The following PHKA1 variants were observed in gnomAD, a reference collection of about 807,000 sequenced individuals.
PHKA1 encodes the protein phosphorylase kinase regulatory subunit alpha 1, also known as phosphorylase b kinase regulatory subunit alpha, skeletal muscle isoform.
PHKA1 carries 60 observed loss-of-function variants against 110.2 expected under a neutral mutation model. The observed-to-expected ratio is 0.54, with a 90% CI of 0.44 to 0.68. The LOEUF (loss-of-function observed/expected upper bound fraction) is 0.68. Ranked by LOEUF, PHKA1 falls within the 30% of genes least tolerant of loss-of-function variation. The pLI is 0.00. For missense variants in PHKA1, 801 were observed against 942.5 expected (o/e 0.85, Z 1.97); for synonymous variants, 316 against 333.6 (o/e 0.95, Z 0.58).
chrX:72,585,989 G>A lies in PHKA1; in HGVS notation c.3244-1687C>T, dbSNP rs782320186. Among the ~76,000 whole-genome samples the A allele has an allele frequency of 5.0e-4, 56 of 112,417 alleles. No individual in the cohort carries two copies. In the South Asian group the frequency reaches 0.011, roughly 22 times the overall value. ...TGCCTCTGTACATTCCACCTCTAGC[G>A]GGAGGGCATAGCTGAACAAAAGGCA... On this transcript the variant is annotated intron_variant, in intron 29 of 31. Transcript: ENST00000373542.
intron 6 of PHKA1, among the ~76,000 whole-genome samples, chrX:72,669,354 TTTGTTGTTG>T (rs1216126267): frequency 4.5e-5 from 5 of 111,272 alleles, no homozygotes; most frequent in African/African-American, 9.8e-5. Flanking sequence ...TTTCTTTTTT[TTTGTTGTTG>T]TTGTTGTTGT....
chrX:72,670,437 T>C, intron 6 of PHKA1, among the ~76,000 whole-genome samples: 1 of 111,840 alleles, frequency 8.9e-6, no homozygotes, highest in East Asian at 2.8e-4. Context: ...GTTTTAGACG[T>C]GAAGGATAGC....
chrX:72,590,919 C>G (rs1051269333), intron 29 of PHKA1, among the ~76,000 whole-genome samples: 2 of 111,755 alleles, frequency 1.8e-5, no homozygotes, highest in Non-Finnish European at 3.8e-5. Flanking sequence ...ACAACAAATG[C>G]TGGAGAGGAT....
At chrX:72,598,318 A>G (rs1438917260) in intron 28 of PHKA1, among the ~76,000 whole-genome samples, 14 of 111,745 alleles carry the variant, frequency 1.3e-4, no homozygotes, top group Non-Finnish European at 2.6e-4. Flanking sequence ...ATACCAGTTC[A>G]CACCCATCAG....
chrX:72,693,485 T>C (rs2054066897), intron 4 of PHKA1, among the ~76,000 whole-genome samples: 2 of 112,221 alleles, frequency 1.8e-5, no homozygotes, highest in African/African-American at 6.5e-5. Flanking sequence ...GCTCCAGAGC[T>C]AGTGGTGAGA....
At chrX:72,600,149 A>T (rs1556240705) in intron 28 of PHKA1, among the ~76,000 whole-genome samples, 2 of 111,006 alleles carry the variant, frequency 1.8e-5, no homozygotes, top group African/African-American at 6.5e-5. Flanking sequence ...CCAGACAGGC[A>T]GGTGAGGATG....
chrX:72,612,778 T>C (rs2052831847), intron 21 of PHKA1, among the ~76,000 whole-genome samples: 1 of 112,172 alleles, frequency 8.9e-6, no homozygotes. Context: ...CATGAAGAGA[T>C]GAGTTCTGTG....
chrX:72,590,394 C>T (rs1175518084), intron 29 of PHKA1, among the ~76,000 whole-genome samples: 1 of 111,943 alleles, frequency 8.9e-6, no homozygotes, highest in East Asian at 2.8e-4. Flanking sequence ...GAAACTGGAT[C>T]CCTTCTTTAC....
intron 6 of PHKA1, among the ~76,000 whole-genome samples, chrX:72,673,808 A>AT (rs782058346): frequency 9.1e-6 from 1 of 109,958 alleles, no homozygotes; most frequent in African/African-American, 3.3e-5. Context: ...TTCATTTGAA[A>AT]TTTTTTTTTA....
At chrX:72,647,540 A>C (rs1055169180) in intron 13 of PHKA1, among the ~76,000 whole-genome samples, 4 of 112,082 alleles carry the variant, frequency 3.6e-5, no homozygotes, top group Admixed American at 1.9e-4. Context: ...GAATACATAG[A>C]GAAAAGGAGA....
chrX:72,623,309 C>T (rs1356784516), intron 17 of PHKA1, 34 bp from the exon 18 acceptor site: 1 of 1,101,804 alleles, frequency 9.1e-7, no homozygotes, highest in Non-Finnish European at 1.2e-6. Flanking sequence ...AACAGAAAAT[C>T]AGGGGTGATC....
chrX:72,637,243 C>A (rs781959413), intron 14 of PHKA1, among the ~76,000 whole-genome samples: 1 of 111,971 alleles, frequency 8.9e-6, no homozygotes, highest in Non-Finnish European at 1.9e-5. Flanking sequence ...CCTCTGGCAA[C>A]CACTGTTCTA....
Position 72,653,452 on chromosome X carries a change from T to C in PHKA1, c.1120A>G (p.Ser374Gly), listed in dbSNP as rs1556299887. 3 of 1,201,279 alleles carry C rather than the reference T, an allele frequency of 2.5e-6. No individual in the cohort carries two copies. Among genetic ancestry groups the C allele is most frequent in the African/African-American group, 1.7e-5 (1 of 57,563 alleles). The change falls in exon 11 of 32, where the codon AGT (serine) becomes GGT (glycine). Residue 374 changes from serine to glycine, a missense_variant. By Grantham distance (56) the Ser-to-Gly change is moderately conservative (BLOSUM62 0). This residue lies in a region of PHKA1 where 299 missense variants were observed against 423.3 expected (regional missense o/e 0.71). Transcript: ENST00000373542. Reference protein sequence around the residue: ...NGVPLLPELYSVPPDRVDEEY... With the variant: ...NGVPLLPELYGVPPDRVDEEY... Reference sequence around the variant, plus strand: ...TGACTCACCCTGTCAGGAGGAACACTGTACAGCTCTGGCAGAAGTGGGACT... The same window carrying C: ...TGACTCACCCTGTCAGGAGGAACACCGTACAGCTCTGGCAGAAGTGGGACT...
chrX:72,584,785 G>A (rs1236834655), intron 29 of PHKA1, among the ~76,000 whole-genome samples: 5 of 107,299 alleles, frequency 4.7e-5, no homozygotes, highest in African/African-American at 1.4e-4. Flanking sequence ...AAGTTCTAGG[G>A]TACATGTGCA....
At chrX:72,653,568 G>T in intron 10 of PHKA1, 38 bp from the exon 11 acceptor site, 1 of 969,933 alleles carries the variant, frequency 1.0e-6, no homozygotes, top group Non-Finnish European at 1.5e-6. Context: ...AAGACTTACA[G>T]AGAGTCCCTT....
At chrX:72,617,891 G>A (rs2052921613) in intron 21 of PHKA1, among the ~76,000 whole-genome samples, 1 of 108,984 alleles carries the variant, frequency 9.2e-6, no homozygotes, top group African/African-American at 3.3e-5. Context: ...CATTTTATGA[G>A]GCCAGCATTA....
Position 72,603,121 on chromosome X carries a change from CT to C in PHKA1, c.2914del (p.Ser972AlafsTer34). ...AAAATGCAGTTATTCAATCTCACCG[CT>C]TCGTTCCACTCCAAACTCCTTGCCG... ...LSGKEFGVER[S>X]VRPTDSNVSP... On this transcript the variant is annotated frameshift_variant, in exon 26 of 32. Transcript: ENST00000373542. LOFTEE classifies it high-confidence loss of function. 8.6e-7 allele frequency: 1 copy of C among 1,167,224 alleles called. No homozygotes were observed. The highest frequency in any genetic ancestry group is 1.2e-6 in the Non-Finnish European group (1 of 855,378).
chrX:72,647,216 C>T (rs1556297435), intron 13 of PHKA1, among the ~76,000 whole-genome samples: 2 of 110,907 alleles, frequency 1.8e-5, no homozygotes, highest in African/African-American at 6.6e-5. Flanking sequence ...CTGGAGAAAA[C>T]TGGATGGATC....
chrX:72,644,425 CA>C lies in PHKA1; in HGVS notation c.1395del (p.Ile465MetfsTer22). ...LKDKGIYVET[I>X]AEVYPIRVQP... is the part of the protein sequence containing the mutation. ...TGTACTCTGATGGGGTATACCTCAG[CA>C]ATGGTCTCCACGTAAATTCCCTTGT... On this transcript the variant is annotated frameshift_variant, in exon 14 of 32. Transcript: ENST00000373542. LOFTEE classifies it high-confidence loss of function. The C allele has an allele frequency of 4.1e-6, 5 of 1,205,751 alleles. No homozygotes were observed. The highest frequency in any genetic ancestry group is 2.2e-6 in the Non-Finnish European group (2 of 890,565).
Sources: allele counts gnomAD v4.1 joint callset (sites outside exome capture counted in the v4.1 genomes callset), GRCh38; gene constraint gnomAD v4.1.1; regional missense constraint gnomAD v4.1.1; transcripts MANE v1.5; gene names NCBI Gene and HGNC (gene_info 2026-07-23, HGNC 2026-07-21).